The following VWC2L variants were observed in gnomAD, a reference collection of about 807,000 sequenced individuals.
VWC2L encodes the protein von Willebrand factor C domain-containing protein 2-like.
Under a neutral mutation model 21.6 loss-of-function variants are expected in VWC2L, and 10 were observed. That is an observed-to-expected ratio of 0.46 (90% confidence interval 0.29 to 0.78). The LOEUF (loss-of-function observed/expected upper bound fraction) is 0.78, where lower values mean the gene tolerates loss of function less well. VWC2L is among the 30% of genes least tolerant of loss of function. The pLI, the probability that VWC2L is intolerant of heterozygous loss-of-function variation, is 0.10. For missense variants in VWC2L, 209 were observed against 277.1 expected (o/e 0.75, Z 1.74); for synonymous variants, 96 against 94.3 (o/e 1.02, Z -0.10).
At chr2:214,557,685 G>A (rs1394532955) in intron 3 of VWC2L, among the ~76,000 whole-genome samples, 1 of 151,992 alleles carries the variant, frequency 6.6e-6, no homozygotes, top group African/African-American at 2.4e-5. Context: ...GCAGATTAGG[G>A]CCCCTCCTAC....
chr2:214,504,590 G>A (rs1449879601), intron 3 of VWC2L, among the ~76,000 whole-genome samples: 2 of 152,110 alleles, frequency 1.3e-5, no homozygotes, highest in Admixed American at 6.5e-5. Context: ...TAGGGGGCAG[G>A]GTCTGAACAA....
chr2:214,544,512 C>T (rs185277320), intron 3 of VWC2L, among the ~76,000 whole-genome samples: 60 of 152,244 alleles, frequency 3.9e-4, no homozygotes, highest in South Asian at 3.3e-3. Context: ...CTTCCCAGAA[C>T]ATTGTAGCCT....
intron 3 of VWC2L, among the ~76,000 whole-genome samples, chr2:214,501,712 A>G (rs1293056792): frequency 1.9e-5 from 2 of 107,384 alleles, no homozygotes; most frequent in Non-Finnish European, 3.9e-5. Flanking sequence ...ACAGAGCAAG[A>G]CTCTGTCTCA....
intron 3 of VWC2L, among the ~76,000 whole-genome samples, chr2:214,555,045 G>T (rs971678892): frequency 6.6e-6 from 1 of 152,084 alleles, no homozygotes; most frequent in East Asian, 1.9e-4. Flanking sequence ...TCTATTTTCT[G>T]AAGCCTAGAA....
intron 3 of VWC2L, among the ~76,000 whole-genome samples, chr2:214,451,308 T>TGGGG (rs59919240): frequency 1.8e-5 from 2 of 112,112 alleles, no homozygotes; most frequent in Non-Finnish European, 2.0e-5. Flanking sequence ...TGGGTCGGTG[T>TGGGG]GGGGGGGGGG....
chr2:214,563,324 G>A (rs897360604), intron 3 of VWC2L, among the ~76,000 whole-genome samples: 5 of 151,882 alleles, frequency 3.3e-5, no homozygotes, highest in Non-Finnish European at 7.4e-5. Flanking sequence ...GAGGCAGGTG[G>A]ATCACGAGGT....
chr2:214,486,514 G>A (rs1278195729), intron 3 of VWC2L, among the ~76,000 whole-genome samples: 1 of 152,098 alleles, frequency 6.6e-6, no homozygotes, highest in Non-Finnish European at 1.5e-5. Context: ...GCTCAGAACA[G>A]CCCCTTACTG....
At chr2:214,486,008 C>A (rs1688667531) in intron 3 of VWC2L, among the ~76,000 whole-genome samples, 1 of 152,038 alleles carries the variant, frequency 6.6e-6, no homozygotes, top group African/African-American at 2.4e-5. Context: ...ATCATTTCAT[C>A]TAGAATGACA....
chr2:214,564,800 T>C (rs1690036938), intron 3 of VWC2L, among the ~76,000 whole-genome samples: 2 of 152,200 alleles, frequency 1.3e-5, no homozygotes, highest in South Asian at 4.1e-4. Flanking sequence ...AAACCAAATA[T>C]ATGTCATGAT....
intron 3 of VWC2L, among the ~76,000 whole-genome samples, chr2:214,550,664 C>T (rs1385478787): frequency 2.6e-5 from 4 of 152,136 alleles, no homozygotes; most frequent in East Asian, 1.9e-4. Context: ...ATGTACTAAA[C>T]GAAGATTTTT....
At chr2:214,508,866 T>G (rs1428518414) in intron 3 of VWC2L, among the ~76,000 whole-genome samples, 1 of 152,234 alleles carries the variant, frequency 6.6e-6, no homozygotes. Flanking sequence ...GTGGAAGTTC[T>G]GACCCATTCC....
intron 3 of VWC2L, among the ~76,000 whole-genome samples, chr2:214,526,646 C>G: frequency 6.6e-6 from 1 of 152,192 alleles, no homozygotes; most frequent in East Asian, 1.9e-4. Context: ...ATTGGTTTCT[C>G]TTCTTCCATG....
At chr2:214,543,624 G>T (rs1239135052) in intron 3 of VWC2L, among the ~76,000 whole-genome samples, 1 of 150,880 alleles carries the variant, frequency 6.6e-6, no homozygotes, top group Non-Finnish European at 1.5e-5. Context: ...TCCTCTAGCT[G>T]AATATGCTGA....
chr2:214,431,557 C>T (rs867366626), intron 2 of VWC2L, among the ~76,000 whole-genome samples: 2 of 152,074 alleles, frequency 1.3e-5, no homozygotes, highest in East Asian at 1.9e-4. Flanking sequence ...TTTGCGTATC[C>T]GTCCCTTCAG....
chr2:214,575,555 A>G (rs1456612893), intron 3 of VWC2L, 117 bp from the exon 4 acceptor site: 2 of 1,093,082 alleles, frequency 1.8e-6, no homozygotes, highest in Non-Finnish European at 2.6e-6. Context: ...CCTTGATGAT[A>G]AGTCAGTAGA....
intron 3 of VWC2L, among the ~76,000 whole-genome samples, chr2:214,442,103 G>A (rs938002044): frequency 3.8e-4 from 57 of 151,988 alleles, no homozygotes; most frequent in African/African-American, 1.1e-3. Flanking sequence ...GTAGAGACGG[G>A]GTTTCACTGT....
At chr2:214,431,073 G>A (rs1362840768) in intron 2 of VWC2L, among the ~76,000 whole-genome samples, 2 of 152,192 alleles carry the variant, frequency 1.3e-5, no homozygotes, top group Non-Finnish European at 2.9e-5. Context: ...AAAACCCATT[G>A]GATCAGTTGA....
intron 3 of VWC2L, chr2:214,472,018 G>A (rs931790741): frequency 2.6e-5 from 4 of 152,096 alleles, no homozygotes; most frequent in African/African-American, 9.7e-5. Context: ...TTCTCTTAAT[G>A]ATTGTGTTTG....
chr2:214,439,068 A>G (rs1299474487), intron 3 of VWC2L, among the ~76,000 whole-genome samples: 2 of 152,026 alleles, frequency 1.3e-5, no homozygotes, highest in Non-Finnish European at 2.9e-5. Context: ...AAATGCCGCT[A>G]GTTAGTCACA....
Sources: allele counts gnomAD v4.1 joint callset (sites outside exome capture counted in the v4.1 genomes callset), GRCh38; gene constraint gnomAD v4.1.1; transcripts MANE v1.5; gene names NCBI Gene and HGNC (gene_info 2026-07-23, HGNC 2026-07-21).